NAV1: variants seen among roughly 807,000 people sequenced by gnomAD.
The protein encoded by NAV1 is pore membrane and/or filament interacting like protein 3.
A neutral mutation model predicts 175.2 loss-of-function variants in NAV1; 18 were observed. The observed-to-expected ratio is 0.10, with a 90% CI of 0.07 to 0.15. NAV1 has a LOEUF of 0.15. Ranked by LOEUF, NAV1 falls within the 10% of genes least tolerant of loss-of-function variation. NAV1 has a pLI of 1.00. For synonymous variants in NAV1, 897 were observed against 978.7 expected (o/e 0.92, Z 1.56); for missense variants, 1,731 against 2,436.6 (o/e 0.71, Z 6.10).
intron 3 of NAV1, chr1:201,739,995 C>A (rs767248030): frequency 1.4e-6 from 2 of 1,454,728 alleles, no homozygotes; most frequent in African/African-American, 1.5e-5. Context: ...GGGTGCCCAC[C>A]CGGTGAATGG....
intron 1 of NAV1, among the ~76,000 whole-genome samples, chr1:201,563,492 C>T (rs1244430502): frequency 6.6e-6 from 1 of 151,834 alleles, no homozygotes; most frequent in African/African-American, 2.4e-5. Context: ...GCCACAGGTA[C>T]AGCAAGGAAA....
rs775179380 is a variant in NAV1, at chr1:201,781,163, A to G, written c.1517A>G (p.Glu506Gly). The stretch of plus-strand genomic sequence containing the variant: ...TCTAAGTGGCGGAGGGAGCGGCCTG[A>G]GAGCTGTGATGATTCATCCAAGGGT... Residue 506 changes from glutamate (E) to glycine (G), a missense_variant, in exon 5 of 30, where the codon GAG becomes GGG. Glu to Gly is a moderately conservative substitution (Grantham distance 98, BLOSUM62 -2). Transcript: ENST00000367296. 9.3e-6 allele frequency: 15 copies of G among 1,614,066 alleles called. No homozygotes were observed. The Admixed American group carries it at 2.5e-4, about 27-fold the overall frequency.
At chr1:201,554,454 G>A (rs1214759944) in intron 1 of NAV1, among the ~76,000 whole-genome samples, 1 of 152,340 alleles carries the variant, frequency 6.6e-6, no homozygotes, top group South Asian at 2.1e-4. Context: ...TAATGGCTTG[G>A]AAGAGGGAGA....
At chr1:201,692,457 C>T (rs894399671) in intron 1 of NAV1, among the ~76,000 whole-genome samples, 5 of 152,172 alleles carry the variant, frequency 3.3e-5, no homozygotes, top group Admixed American at 3.3e-4. Flanking sequence ...ATATATATGT[C>T]TGCCTTTCCA....
intron 1 of NAV1, among the ~76,000 whole-genome samples, chr1:201,704,699 G>A (rs1196463959): frequency 6.6e-6 from 1 of 152,216 alleles, no homozygotes; most frequent in African/African-American, 2.4e-5. Flanking sequence ...TCCACTGTGG[G>A]GGTTTGCAAA....
At chr1:201,591,686 C>G (rs1667200227) in intron 2 of NAV1, among the ~76,000 whole-genome samples, 1 of 152,186 alleles carries the variant, frequency 6.6e-6, no homozygotes, top group Non-Finnish European at 1.5e-5. Context: ...TGCAACATCT[C>G]CTTCTGGCCT....
At chr1:201,574,327 A>T (rs1056848100) in intron 1 of NAV1, among the ~76,000 whole-genome samples, 6 of 152,082 alleles carry the variant, frequency 3.9e-5, no homozygotes, top group Non-Finnish European at 8.8e-5. Flanking sequence ...CTCTGGAGAG[A>T]TCCAAGATTG....
intron 1 of NAV1, among the ~76,000 whole-genome samples, chr1:201,552,994 C>A (rs372024340): frequency 1.3e-5 from 2 of 152,064 alleles, no homozygotes; most frequent in South Asian, 4.1e-4. Context: ...CTCCAGGGGA[C>A]GAGGGGGGCA....
At chr1:201,753,105 A>G (rs974818460) in intron 3 of NAV1, among the ~76,000 whole-genome samples, 1 of 152,164 alleles carries the variant, frequency 6.6e-6, no homozygotes, top group African/African-American at 2.4e-5. Context: ...TAAGCAAAGA[A>G]AGCTTTGGAA....
At chr1:201,593,330 C>T (rs1667258781) in intron 2 of NAV1, among the ~76,000 whole-genome samples, 1 of 152,180 alleles carries the variant, frequency 6.6e-6, no homozygotes, top group Admixed American at 6.5e-5. Flanking sequence ...CACTCCTGGC[C>T]AGAGACAACT....
intron 28 of NAV1, chr1:201,816,864 G>A: frequency 1.9e-6 from 1 of 540,192 alleles, no homozygotes; most frequent in Non-Finnish European, 3.3e-6. Flanking sequence ...AGTAGAAACA[G>A]GGTTTCACCA....
At chr1:201,705,070 C>T (rs1671610708) in intron 1 of NAV1, among the ~76,000 whole-genome samples, 1 of 152,206 alleles carries the variant, frequency 6.6e-6, no homozygotes, top group South Asian at 2.1e-4. Flanking sequence ...CCTCCCATCT[C>T]TACCTCCCAA....
intron 1 of NAV1, among the ~76,000 whole-genome samples, chr1:201,577,503 G>T (rs1571829468): frequency 7.5e-5 from 9 of 120,690 alleles, no homozygotes; most frequent in Admixed American, 9.1e-5. Flanking sequence ...TTTTGGCTAT[G>T]GATGTCCAAT....
At chr1:201,783,573 C>T (rs962303762) in exon 7 of NAV1, 4 of 1,614,160 alleles carry the variant, frequency 2.5e-6, no homozygotes, top group Non-Finnish European at 3.4e-6. Flanking sequence ...TCCTGCTTCA[C>T]CCCCAGTCCG....
intron 1 of NAV1, among the ~76,000 whole-genome samples, chr1:201,580,480 A>G (rs1156766744): frequency 6.6e-6 from 1 of 152,212 alleles, no homozygotes; most frequent in East Asian, 1.9e-4. Context: ...TATTTAGAAC[A>G]TGAGGTTTTC....
intron 1 of NAV1, among the ~76,000 whole-genome samples, chr1:201,689,362 G>A (rs930342536): frequency 5.9e-5 from 9 of 152,216 alleles, no homozygotes; most frequent in African/African-American, 2.2e-4. Context: ...GGAAGTAGCT[G>A]GAAGGTGGGA....
In NAV1 at chr1:201,787,132, A is replaced by G. The variant is rs1350830135; in HGVS notation, c.2995+555A>G. 6.6e-6 allele frequency among the ~76,000 whole-genome samples: 1 copy of G among 152,164 alleles called. No homozygotes were observed. Among genetic ancestry groups the G allele is most frequent in the African/African-American group, 2.4e-5 (1 of 41,438 alleles). Reference sequence around the variant, plus strand: ...ACCCCCTTCCTAAAGCCTAGGGAGAAAGGAGAGCTAGGAAATAAGGAAGTG... The same window carrying G: ...ACCCCCTTCCTAAAGCCTAGGGAGAGAGGAGAGCTAGGAAATAAGGAAGTG... On this transcript the variant is annotated intron_variant, in intron 9 of 29. Coordinates refer to ENST00000367296, the Ensembl canonical transcript of NAV1. This position sits in a 1 kb window ranked among gnomAD's most constrained non-coding sequence, Gnocchi z 4.3.
Position 201,819,826 on chromosome 1 carries a change from C to A in NAV1, c.5539-11C>A. On this transcript the variant is annotated splice_polypyrimidine_tract_variant and intron_variant, in intron 29 of 29. Coordinates refer to ENST00000367296, the Ensembl canonical transcript of NAV1. ...CAACTCTCATAAATCCATCTTTTTG[C>A]CCCCCTTTAGATGGCCATGCTGCTG... 6.2e-7 allele frequency: 1 copy of A among 1,612,656 alleles called. No homozygotes were observed. The highest frequency in any genetic ancestry group is 8.5e-7 in the Non-Finnish European group (1 of 1,178,834).
In NAV1 at chr1:201,768,333, GAA is replaced by G. The variant is rs57027212; in HGVS notation, c.1227-12073_1227-12072del. ...AACAAGAGTGAAACTCCGTCTCAGA[GAA>G]AAAAAAAAAAAAAAGAGTAAGTACA... is the stretch of plus-strand genomic sequence containing the variant. On this transcript the variant is annotated intron_variant, in intron 3 of 29. Transcript: ENST00000367296. 6.3e-3 allele frequency among the ~76,000 whole-genome samples: 665 copies of G among 105,652 alleles called. 13 individuals carry two copies. Among genetic ancestry groups the G allele is most frequent in the African/African-American group, 0.024 (603 of 25,168 alleles). The allele number at this position is 105,652 out of a possible 152,430, so 69.3% of individuals were successfully genotyped here.
Sources: allele counts gnomAD v4.1 joint callset (sites outside exome capture counted in the v4.1 genomes callset), GRCh38; gene constraint gnomAD v4.1.1; non-coding constraint Gnocchi (gnomAD v3.1); transcripts MANE v1.5; gene names NCBI Gene and HGNC (gene_info 2026-07-23, HGNC 2026-07-21).